The following DPYD variants were observed in gnomAD, a reference collection of about 807,000 sequenced individuals.
DPYD encodes the protein dihydropyrimidine dehydrogenase.
Under a neutral mutation model 116.2 loss-of-function variants are expected in DPYD, and 109 were observed. That is an observed-to-expected ratio of 0.94 (90% CI 0.80 to 1.10). DPYD has a LOEUF of 1.10. Among genes scored for constraint, DPYD ranks in the 50% least tolerant of loss-of-function variants. The pLI is 0.00. For missense variants in DPYD, 1,302 were observed against 1,254.5 expected (o/e 1.04, Z -0.57); for synonymous variants, 440 against 432.0 (o/e 1.02, Z -0.23).
chr1:97,612,036 T>C (rs915180510), intron 8 of DPYD, among the ~76,000 whole-genome samples: 2 of 152,072 alleles, frequency 1.3e-5, no homozygotes, highest in Non-Finnish European at 2.9e-5. Context: ...GAGTGGCTCA[T>C]GTGTAATCTG....
At chr1:97,827,495 C>T (rs1669299317) in intron 3 of DPYD, among the ~76,000 whole-genome samples, 2 of 151,782 alleles carry the variant, frequency 1.3e-5, no homozygotes, top group South Asian at 4.1e-4. Flanking sequence ...TTGAAAAATG[C>T]TTCACTAAAA....
intron 4 of DPYD, among the ~76,000 whole-genome samples, chr1:97,723,308 G>A (rs1557909235): frequency 1.3e-5 from 2 of 151,472 alleles, no homozygotes. Context: ...GAAATATAAA[G>A]GGTAAATAAT....
At chr1:97,494,782 G>GCA (rs369872624) in intron 13 of DPYD, among the ~76,000 whole-genome samples, 8 of 141,306 alleles carry the variant, frequency 5.7e-5, no homozygotes, top group Non-Finnish European at 9.4e-5. Context: ...ACACACATAC[G>GCA]CACACACACA....
At chr1:97,119,571 G>A (rs1652263855) in intron 20 of DPYD, among the ~76,000 whole-genome samples, 1 of 152,024 alleles carries the variant, frequency 6.6e-6, no homozygotes, top group African/African-American at 2.4e-5. Context: ...CTAGAAGGAG[G>A]GGCAACCTTT....
At chr1:97,458,324 T>C (rs950828453) in intron 13 of DPYD, among the ~76,000 whole-genome samples, 3 of 152,168 alleles carry the variant, frequency 2.0e-5, no homozygotes, top group Non-Finnish European at 4.4e-5. Flanking sequence ...GAGAGGAGTT[T>C]TCCATTTCTA....
At chr1:97,233,911 C>T (rs1661739604) in intron 19 of DPYD, among the ~76,000 whole-genome samples, 1 of 152,190 alleles carries the variant, frequency 6.6e-6, no homozygotes, top group African/African-American at 2.4e-5. Flanking sequence ...CCTCCATTAG[C>T]TTTCTAATAC....
At chr1:97,172,460 T>C (rs1656798781) in intron 20 of DPYD, among the ~76,000 whole-genome samples, 1 of 152,196 alleles carries the variant, frequency 6.6e-6, no homozygotes, top group African/African-American at 2.4e-5. Context: ...TAACCTGCCA[T>C]AAAACTTTTG....
intron 14 of DPYD, among the ~76,000 whole-genome samples, chr1:97,418,055 T>C (rs1411663529): frequency 6.6e-6 from 1 of 152,230 alleles, no homozygotes; most frequent in African/African-American, 2.4e-5. Flanking sequence ...AAGTATTTTG[T>C]GGAAGGATTT....
At chr1:97,409,078 T>C (rs967542296) in intron 14 of DPYD, among the ~76,000 whole-genome samples, 3 of 152,124 alleles carry the variant, frequency 2.0e-5, no homozygotes, top group African/African-American at 7.2e-5. Context: ...TAATCCTTTA[T>C]AAATTCCCCT....
chr1:97,285,127 G>T (rs551018939), intron 18 of DPYD, among the ~76,000 whole-genome samples: 1 of 152,124 alleles, frequency 6.6e-6, no homozygotes, highest in South Asian at 2.1e-4. Flanking sequence ...TCCTTGCCTT[G>T]ACCTCTAACA....
At chr1:97,516,904 CA>C (rs1401021523) in intron 12 of DPYD, among the ~76,000 whole-genome samples, 8 of 151,920 alleles carry the variant, frequency 5.3e-5, no homozygotes. Flanking sequence ...TTTTCTCAGC[CA>C]AAGCAGTTAC....
At position 97,759,311 on chromosome 1, in the gene DPYD, C is replaced by T. The variant is rs377689517; in HGVS notation, c.234-18832G>A. Among the ~76,000 whole-genome samples, 47 of 152,266 alleles carry T rather than the reference C, an allele frequency of 3.1e-4. 2 individuals are homozygous for T. In the South Asian group the frequency reaches 9.3e-3, roughly 30 times the overall value. On this transcript the variant is annotated intron_variant, in intron 3 of 22. Transcript: ENST00000370192. Reference sequence around the variant, plus strand: ...CAGATTTCTTATTCCTCTTGTCCTACTTCCCTTCATGTTTCTGGTTAATGC... The same window carrying T: ...CAGATTTCTTATTCCTCTTGTCCTATTTCCCTTCATGTTTCTGGTTAATGC...
At chr1:97,096,820 C>T (rs182089512) in intron 21 of DPYD, among the ~76,000 whole-genome samples, 9 of 152,256 alleles carry the variant, frequency 5.9e-5, no homozygotes, top group South Asian at 2.1e-4. Flanking sequence ...GGGTCCCTTT[C>T]CATGCTGTGG....
intron 17 of DPYD, 98 bp downstream of exon 17, chr1:97,306,079 T>C: frequency 6.3e-7 from 1 of 1,586,590 alleles, no homozygotes; most frequent in Non-Finnish European, 8.6e-7. Flanking sequence ...AGACAAAAAA[T>C]ATGCACATGT....
At position 97,736,558 on chromosome 1, in the gene DPYD, TAA is replaced by T. The variant is rs370317971; in HGVS notation, c.321+3832_321+3833del. Among the ~76,000 whole-genome samples the T allele has an allele frequency of 2.1e-3, 320 of 152,186 alleles. 1 individual carries two copies. Among genetic ancestry groups the T allele is most frequent in the African/African-American group, 7.2e-3 (297 of 41,524 alleles). Reference sequence around the variant, plus strand: ...CAATTATAATACTCTCATCAAATTTTAAAAGAGAGAATTAATATCCACAGAAC... The same window carrying T: ...CAATTATAATACTCTCATCAAATTTTAAGAGAGAATTAATATCCACAGAAC... On this transcript the variant is annotated intron_variant, in intron 4 of 22. Transcript: ENST00000370192.
intron 1 of DPYD, among the ~76,000 whole-genome samples, chr1:97,892,333 C>G (rs1319950394): frequency 6.6e-6 from 1 of 151,768 alleles, no homozygotes; most frequent in Non-Finnish European, 1.5e-5. Flanking sequence ...TTAACAGTCT[C>G]TTGTTTAAAA....
At chr1:97,344,621 G>A (rs904025239) in intron 16 of DPYD, among the ~76,000 whole-genome samples, 1 of 150,166 alleles carries the variant, frequency 6.7e-6, no homozygotes, top group Non-Finnish European at 1.5e-5. Flanking sequence ...ACACTACATT[G>A]ATATATGCGA....
chr1:97,551,472 G>A (rs1171371117), intron 11 of DPYD, among the ~76,000 whole-genome samples: 1 of 151,946 alleles, frequency 6.6e-6, no homozygotes, highest in Non-Finnish European at 1.5e-5. Flanking sequence ...TAGTGGCAAG[G>A]GGTAAAAATG....
At chr1:97,720,420 AC>A (rs1662856642) in intron 5 of DPYD, 1 of 986,014 alleles carries the variant, frequency 1.0e-6, no homozygotes, top group African/African-American at 1.7e-5. Context: ...TAAAGATCAT[AC>A]TTCGTAGTGG....
Sources: gnomAD v4.1 joint callset for allele counts (sites outside exome capture counted in the v4.1 genomes callset) on GRCh38, gnomAD v4.1.1 for gene constraint, MANE v1.5 for transcripts, NCBI Gene and HGNC (gene_info 2026-07-23, HGNC 2026-07-21) for gene names.